Variants in ADAMTSL1 observed in about 807,000 individuals in gnomAD.
ADAMTSL1 encodes ADAMTS like 1.
In ADAMTSL1, 126 loss-of-function variants were observed where a neutral mutation model predicts 201.8. The ratio of observed to expected loss-of-function variants is 0.62; its 90% CI spans 0.54 to 0.72. The LOEUF (loss-of-function observed/expected upper bound fraction) is 0.72, where lower values mean the gene tolerates loss of function less well. Ranked by LOEUF, ADAMTSL1 falls within the 30% of genes least tolerant of loss-of-function variation. ADAMTSL1 has a pLI of 0.00. For synonymous variants in ADAMTSL1, 1,121 were observed against 903.4 expected (o/e 1.24, Z -4.32); for missense variants, 2,679 against 2,277.8 (o/e 1.18, Z -3.59).
intron 1 of ADAMTSL1, among the ~76,000 whole-genome samples, chr9:18,038,959 G>A (rs575729274): frequency 2.0e-5 from 3 of 152,272 alleles, no homozygotes; most frequent in South Asian, 2.1e-4. Context: ...GGATGAATGG[G>A]TTATCTTCTA....
intron 4 of ADAMTSL1, among the ~76,000 whole-genome samples, chr9:18,613,992 AAG>A (rs1450645055): frequency 1.3e-5 from 2 of 152,226 alleles, no homozygotes; most frequent in Non-Finnish European, 2.9e-5. Flanking sequence ...GAAGACTTCA[AAG>A]AGTCAGACAA....
chr9:18,328,366 A>T (rs145269433), intron 2 of ADAMTSL1, among the ~76,000 whole-genome samples: 1 of 152,224 alleles, frequency 6.6e-6, no homozygotes, highest in African/African-American at 2.4e-5. Flanking sequence ...TCTATATTCA[A>T]TGTCCCTGAG....
At chr9:18,506,842 T>A (rs1212988604) in intron 2 of ADAMTSL1, among the ~76,000 whole-genome samples, 1 of 152,156 alleles carries the variant, frequency 6.6e-6, no homozygotes, top group African/African-American at 2.4e-5. Flanking sequence ...TGACTACCCA[T>A]TCTTTAGGAA....
intron 23 of ADAMTSL1, among the ~76,000 whole-genome samples, chr9:18,842,294 T>C (rs1444873007): frequency 6.6e-6 from 1 of 152,208 alleles, no homozygotes; most frequent in African/African-American, 2.4e-5. Flanking sequence ...TTTCGTTATG[T>C]ACCCAGTAGT....
intron 2 of ADAMTSL1, among the ~76,000 whole-genome samples, chr9:18,188,353 T>C (rs369772505): frequency 4.4e-4 from 67 of 152,260 alleles, no homozygotes; most frequent in African/African-American, 1.5e-3. Flanking sequence ...GTTCCTGGGA[T>C]TTTGAATTCT....
At chr9:18,153,021 T>C (rs969738854) in intron 1 of ADAMTSL1, among the ~76,000 whole-genome samples, 1 of 148,474 alleles carries the variant, frequency 6.7e-6, no homozygotes, top group African/African-American at 2.5e-5. Context: ...TCCCTACCAG[T>C]GTTTATGATC....
intron 26 of ADAMTSL1, among the ~76,000 whole-genome samples, chr9:18,894,149 C>A (rs1829466303): frequency 6.6e-6 from 1 of 152,168 alleles, no homozygotes; most frequent in Non-Finnish European, 1.5e-5. Context: ...GTAAGTGCAA[C>A]TACAAAGATT....
At chr9:18,662,421 C>T (rs1295894467) in intron 9 of ADAMTSL1, among the ~76,000 whole-genome samples, 1 of 152,168 alleles carries the variant, frequency 6.6e-6, no homozygotes, top group Non-Finnish European at 1.5e-5. Flanking sequence ...AATGTGATGA[C>T]ACAATGTTCT....
chr9:18,023,485 A>C (rs986730512), intron 1 of ADAMTSL1, among the ~76,000 whole-genome samples: 15 of 152,212 alleles, frequency 9.9e-5, no homozygotes, highest in African/African-American at 3.4e-4. Context: ...GATGGGGTCA[A>C]GAACCCCAAG....
At chr9:18,873,954 G>A (rs10756995) in intron 23 of ADAMTSL1, among the ~76,000 whole-genome samples, 82,960 of 151,720 alleles carry the variant, frequency 0.55, 23,033 homozygotes, top group African/African-American at 0.62. Flanking sequence ...CATTTGTGTC[G>A]TCTATGATTT....
At position 18,237,810 on chromosome 9, in the gene ADAMTSL1, T is replaced by A. The variant is rs1480160960; in HGVS notation, c.207+73829T>A. 5.3e-5 allele frequency among the ~76,000 whole-genome samples: 8 copies of A among 152,378 alleles called. No individual in the cohort carries two copies. In the East Asian group the frequency reaches 9.6e-4, roughly 18 times the overall value. ...ACACTGTTTTCTTCCTTTGTCAGTA[T>A]TTTTTAACAAACTCTGTATTTGATG... is the stretch of plus-strand genomic sequence containing the variant. On this transcript the variant is annotated intron_variant, in intron 2 of 29. Coordinates refer to the ADAMTSL1 transcript ENST00000680146.
chr9:18,071,393 G>T (rs1420905144), intron 1 of ADAMTSL1, among the ~76,000 whole-genome samples: 1 of 152,210 alleles, frequency 6.6e-6, no homozygotes, highest in Non-Finnish European at 1.5e-5. Context: ...AACAACAGGG[G>T]TTCCTGCCTT....
chr9:18,375,322 G>A (rs969551613), intron 2 of ADAMTSL1, among the ~76,000 whole-genome samples: 1 of 152,084 alleles, frequency 6.6e-6, no homozygotes, highest in Admixed American at 6.6e-5. Context: ...TTACTGGTGG[G>A]CTAATTGCTA....
chr9:17,917,895 TTTGA>T (rs1172728034), intron 1 of ADAMTSL1, among the ~76,000 whole-genome samples: 5 of 152,028 alleles, frequency 3.3e-5, no homozygotes, highest in Admixed American at 6.5e-5. Flanking sequence ...TTGAGTTAGC[TTTGA>T]TTGTCTTTCA....
At chr9:18,399,516 A>ATT (rs11422941) in intron 2 of ADAMTSL1, among the ~76,000 whole-genome samples, 10 of 147,480 alleles carry the variant, frequency 6.8e-5, no homozygotes, top group African/African-American at 2.3e-4. Context: ...TGATTTTTAT[A>ATT]TTTTTTTGTA....
rs568136780 is a variant in ADAMTSL1, at chr9:18,886,509, G to T, written c.4250-1322G>T. On this transcript the variant is annotated intron_variant, in intron 23 of 28. Coordinates refer to ENST00000380548, the MANE Select transcript of ADAMTSL1 (RefSeq NM_001040272.6). ...TGATATAACAGACATATAAAAACTA[G>T]TGGCTTATAAACAAACAAAACAAAT... Among the ~76,000 whole-genome samples the T allele has an allele frequency of 3.3e-5, 5 of 150,496 alleles. No homozygotes were observed. The East Asian group carries it at 1.0e-3, about 30-fold the overall frequency.
chr9:18,191,445 A>G (rs1215845417), intron 2 of ADAMTSL1, among the ~76,000 whole-genome samples: 3 of 152,146 alleles, frequency 2.0e-5, no homozygotes, highest in African/African-American at 7.2e-5. Flanking sequence ...ACACTAAGCC[A>G]CTTTCTTCTT....
At chr9:18,719,424 T>G (rs541725725) in intron 14 of ADAMTSL1, among the ~76,000 whole-genome samples, 4 of 152,270 alleles carry the variant, frequency 2.6e-5, no homozygotes, top group Admixed American at 2.6e-4. Flanking sequence ...CTCAGCTCAC[T>G]GCAACCTTCA....
intron 4 of ADAMTSL1, among the ~76,000 whole-genome samples, chr9:18,612,826 T>C (rs1825466418): frequency 6.6e-6 from 1 of 152,100 alleles, no homozygotes. Flanking sequence ...GATTTCATGA[T>C]GAAGACGCCA....
Sources: allele counts gnomAD v4.1 joint callset (sites outside exome capture counted in the v4.1 genomes callset), GRCh38; gene constraint gnomAD v4.1.1; transcripts MANE v1.5; gene names NCBI Gene and HGNC (gene_info 2026-07-23, HGNC 2026-07-21).